The following ANK2 variants were observed in gnomAD, a reference collection of about 807,000 sequenced individuals.
ANK2 encodes ankyrin-2.
Under a neutral mutation model 360.5 loss-of-function variants are expected in ANK2, and 83 were observed. The observed-to-expected ratio is 0.23, with a 90% CI of 0.19 to 0.28. ANK2 has a LOEUF of 0.28. Ranked by LOEUF, ANK2 falls within the 10% of genes least tolerant of loss-of-function variation. The probability of loss-of-function intolerance (pLI) is 1.00; values close to 1 mark genes in which losing one functional copy is unlikely to be tolerated. For synonymous variants in ANK2, 1,740 were observed against 1,759.5 expected, an observed-to-expected ratio of 0.99 and a Z score of 0.28; for missense variants, 4,201 against 4,795.7, an observed-to-expected ratio of 0.88 and a Z score of 3.66.
At chr4:113,018,536 C>A (rs2057252236) in intron 2 of ANK2, among the ~76,000 whole-genome samples, 1 of 151,212 alleles carries the variant, frequency 6.6e-6, no homozygotes, top group Admixed American at 6.6e-5. Context: ...AGGTTAGCAT[C>A]CATTTGCACT....
At chr4:112,716,877 C>T in the ANK2 span, among the ~76,000 whole-genome samples, 4 of 152,206 alleles carry the variant, frequency 2.6e-5, no homozygotes, top group African/African-American at 9.6e-5. Flanking sequence ...ACCCCCCTTT[C>T]CCCGTTTTGT....
chr4:112,854,871 G>T (rs1010064371), intron 1 of ANK2, among the ~76,000 whole-genome samples: 1 of 152,176 alleles, frequency 6.6e-6, no homozygotes, highest in South Asian at 2.1e-4. Flanking sequence ...GAATGGAGTA[G>T]AATGGGAGGG....
At chr4:113,300,168 T>C (rs1240011012) in intron 22 of ANK2, among the ~76,000 whole-genome samples, 2 of 152,222 alleles carry the variant, frequency 1.3e-5, no homozygotes, top group African/African-American at 4.8e-5. Context: ...ATGGATACTT[T>C]TGTTTTTCCT....
At chr4:113,015,640 A>G (rs1177210039) in intron 2 of ANK2, among the ~76,000 whole-genome samples, 2 of 152,224 alleles carry the variant, frequency 1.3e-5, no homozygotes, top group Non-Finnish European at 2.9e-5. Flanking sequence ...TCCATTTTCC[A>G]TGCAAACTTC....
chr4:113,348,125 TGTTA>T (rs1588755837), intron 35 of ANK2, 147 bp from the exon 36 acceptor site: 7 of 739,620 alleles, frequency 9.5e-6, no homozygotes, highest in Non-Finnish European at 1.6e-5. Context: ...TTCTATAAAC[TGTTA>T]GTAATAAAAA....
chr4:113,082,436 G>A (rs2154348031), intron 1 of ANK2, among the ~76,000 whole-genome samples: 1 of 152,158 alleles, frequency 6.6e-6, no homozygotes, highest in South Asian at 2.1e-4. Context: ...ACCTGGCCCA[G>A]CCAAGCATGC....
intron 4 of ANK2, among the ~76,000 whole-genome samples, chr4:113,215,556 C>T (rs955862068): frequency 4.6e-5 from 7 of 152,168 alleles, no homozygotes; most frequent in African/African-American, 1.4e-4. Flanking sequence ...AAAGATTGTA[C>T]AGAAGTTTCA....
At chr4:113,225,078 C>CT (rs2099200245) in intron 4 of ANK2, among the ~76,000 whole-genome samples, 1 of 152,030 alleles carries the variant, frequency 6.6e-6, no homozygotes, top group South Asian at 2.1e-4. Flanking sequence ...AACACCACAT[C>CT]TTTTGAGAGA....
chr4:112,934,529 T>G (rs1489346046), intron 2 of ANK2, among the ~76,000 whole-genome samples: 1 of 152,218 alleles, frequency 6.6e-6, no homozygotes, highest in African/African-American at 2.4e-5. Context: ...GTCAATTCAG[T>G]GGTATTTATT....
At chr4:112,969,314 G>A (rs1002927469) in intron 2 of ANK2, among the ~76,000 whole-genome samples, 19 of 152,160 alleles carry the variant, frequency 1.2e-4, no homozygotes, top group Non-Finnish European at 1.5e-5. Context: ...CGTTTCTCTT[G>A]AGGAAGAGTC....
intron 1 of ANK2, among the ~76,000 whole-genome samples, chr4:113,125,254 A>G (rs544454358): frequency 2.6e-5 from 4 of 152,278 alleles, no homozygotes; most frequent in African/African-American, 7.2e-5. Context: ...CTTAATCTCT[A>G]TGTTATTTTT....
chr4:112,954,061 C>G (rs1011170717), intron 2 of ANK2, among the ~76,000 whole-genome samples: 48 of 151,924 alleles, frequency 3.2e-4, no homozygotes, highest in African/African-American at 1.1e-3. Flanking sequence ...ATTTTAAACT[C>G]AAACAAGATT....
the ANK2 span, among the ~76,000 whole-genome samples, chr4:112,715,733 G>A: frequency 6.6e-6 from 1 of 152,088 alleles, no homozygotes; most frequent in African/African-American, 2.4e-5. Context: ...CAAGCTCTAA[G>A]CTCTAGAACT....
intron 1 of ANK2, among the ~76,000 whole-genome samples, chr4:113,112,242 G>T (rs772562144): frequency 4.6e-5 from 7 of 152,148 alleles, no homozygotes; most frequent in Non-Finnish European, 8.8e-5. Context: ...GTCAAAGAGA[G>T]CACACAAAAT....
At chr4:113,348,332 G>A in intron 36 of ANK2, 24 bp downstream of exon 36, 1 of 1,610,614 alleles carries the variant, frequency 6.2e-7, no homozygotes, top group Non-Finnish European at 8.5e-7. Flanking sequence ...AGTGTCACTT[G>A]TTATCGGCTG....
chr4:112,895,603 G>A lies in ANK2; in HGVS notation c.-39-8852G>A, dbSNP rs537104244. Among the ~76,000 whole-genome samples, 3 of 152,148 alleles carry A rather than the reference G, an allele frequency of 2.0e-5. No individual in the cohort carries two copies. The South Asian group carries it at 6.2e-4, about 32-fold the overall frequency. ...GGCCACAATTTTGCTATTATGCTCA[G>A]ATAGCCCCAGAGCTTGCAGATGCTG... On this transcript the variant is annotated intron_variant, in intron 1 of 30. Transcript: ENST00000503271.
chr4:113,135,054 T>C (rs2096307386), intron 1 of ANK2, among the ~76,000 whole-genome samples: 1 of 152,156 alleles, frequency 6.6e-6, no homozygotes, highest in Non-Finnish European at 1.5e-5. Flanking sequence ...ACCTGGGTAT[T>C]TGAATGGGTT....
chr4:113,106,786 G>T (rs987542292), intron 1 of ANK2: 3 of 409,612 alleles, frequency 7.3e-6, no homozygotes, highest in Non-Finnish European at 1.5e-5. Flanking sequence ...TATTTCATAG[G>T]TGTGCCAAGC....
intron 1 of ANK2, among the ~76,000 whole-genome samples, chr4:112,847,626 C>G (rs979644176): frequency 6.6e-6 from 1 of 152,136 alleles, no homozygotes; most frequent in African/African-American, 2.4e-5. Flanking sequence ...TAATGACCTT[C>G]CATTTGCCAC....
Sources: allele counts gnomAD v4.1 joint callset (sites outside exome capture counted in the v4.1 genomes callset), GRCh38; gene constraint gnomAD v4.1.1; transcripts MANE v1.5; gene names NCBI Gene and HGNC (gene_info 2026-07-23, HGNC 2026-07-21).